THSD4: variants seen among roughly 807,000 people sequenced by gnomAD.
The protein encoded by THSD4 is thrombospondin type 1 domain containing 4.
In THSD4, 69 loss-of-function variants were observed where a neutral mutation model predicts 119.0. The observed-to-expected ratio is 0.58, with a 90% CI of 0.48 to 0.71. The LOEUF (loss-of-function observed/expected upper bound fraction) is 0.71, where lower values mean the gene tolerates loss of function less well. Among genes scored for constraint, THSD4 ranks in the 30% least tolerant of loss-of-function variants. The pLI, the probability that THSD4 is intolerant of heterozygous loss-of-function variation, is 0.00. For missense variants in THSD4, 1,393 were observed against 1,391.1 expected, an observed-to-expected ratio of 1.00 and a Z score of -0.02; for synonymous variants, 524 against 540.4, an observed-to-expected ratio of 0.97 and a Z score of 0.42.
At chr15:71,104,143 A>G (rs570813379) in intron 1 of THSD4, among the ~76,000 whole-genome samples, 3 of 152,302 alleles carry the variant, frequency 2.0e-5, no homozygotes, top group Non-Finnish European at 4.4e-5. Context: ...TTAAATCATC[A>G]ATCATTTGCT....
At chr15:71,510,867 A>T (rs943622324) in intron 7 of THSD4, among the ~76,000 whole-genome samples, 10 of 151,956 alleles carry the variant, frequency 6.6e-5, no homozygotes, top group African/African-American at 2.4e-4. Context: ...CTTGAATGTG[A>T]CAGTATTGCT....
intron 1 of THSD4, among the ~76,000 whole-genome samples, chr15:71,139,485 G>T (rs1030711210): frequency 6.6e-6 from 1 of 152,170 alleles, no homozygotes; most frequent in African/African-American, 2.4e-5. Context: ...GTTCCAATTT[G>T]CACTTGTTGG....
At chr15:71,332,596 C>T (rs2045435706) in intron 6 of THSD4, among the ~76,000 whole-genome samples, 1 of 152,122 alleles carries the variant, frequency 6.6e-6, no homozygotes, top group African/African-American at 2.4e-5. Context: ...CAGCATGCCT[C>T]GGATTTGAAC....
At chr15:71,335,693 AGAT>A (rs1333441637) in intron 6 of THSD4, among the ~76,000 whole-genome samples, 1 of 152,156 alleles carries the variant, frequency 6.6e-6, no homozygotes, top group Non-Finnish European at 1.5e-5. Flanking sequence ...TTATTTCCGA[AGAT>A]GATGCCACTC....
At chr15:71,325,813 C>T (rs988112904) in intron 6 of THSD4, among the ~76,000 whole-genome samples, 7 of 152,002 alleles carry the variant, frequency 4.6e-5, no homozygotes, top group African/African-American at 1.7e-4. Flanking sequence ...TAAACAATAA[C>T]AAAAAAACTC....
In THSD4 at chr15:71,768,287, C is replaced by T. The variant is rs193162797; in HGVS notation, c.2770-2777C>T. Among the ~76,000 whole-genome samples, 63 of 74,272 alleles carry T rather than the reference C, an allele frequency of 8.5e-4. No homozygotes were observed. The East Asian group carries it at 0.015, about 17-fold the overall frequency. The allele number at this position is 74,272 out of a possible 152,430, so 48.7% of individuals were successfully genotyped here. On this transcript the variant is annotated intron_variant, in intron 16 of 17. Coordinates refer to ENST00000261862, the MANE Select transcript of THSD4 (RefSeq NM_024817.3). ...TCTCACAAAAAAAACCAAAAAAAAA[C>T]CCTGCACCTGTTAAGGCCTCTTTTA...
intron 6 of THSD4, among the ~76,000 whole-genome samples, chr15:71,406,525 A>C (rs1446849112): frequency 3.9e-5 from 6 of 152,124 alleles, no homozygotes; most frequent in Non-Finnish European, 8.8e-5. Context: ...TTATTCAAGT[A>C]TTTCCATATT....
intron 1 of THSD4, among the ~76,000 whole-genome samples, chr15:71,105,729 C>T (rs2040271935): frequency 6.6e-6 from 1 of 152,238 alleles, no homozygotes; most frequent in Non-Finnish European, 1.5e-5. Context: ...ATCCTATTTT[C>T]TGAGTCCACA....
chr15:71,157,557 C>A (rs1055464879), intron 3 of THSD4, among the ~76,000 whole-genome samples: 1 of 151,978 alleles, frequency 6.6e-6, no homozygotes, highest in African/African-American at 2.4e-5. Flanking sequence ...AGAACTTATT[C>A]CCCCTATCTA....
At chr15:71,356,390 G>A (rs1477904117) in intron 6 of THSD4, among the ~76,000 whole-genome samples, 1 of 152,176 alleles carries the variant, frequency 6.6e-6, no homozygotes, top group African/African-American at 2.4e-5. Flanking sequence ...AACATGGCAG[G>A]AGGGCATTTT....
chr15:71,654,800 TG>T (rs1342680150), intron 7 of THSD4, among the ~76,000 whole-genome samples: 1 of 152,178 alleles, frequency 6.6e-6, no homozygotes, highest in Non-Finnish European at 1.5e-5. Context: ...GTTTTACCTG[TG>T]GGGGTCATCT....
rs562013393 is a variant in THSD4, at chr15:71,728,603, G to A, written c.1412G>A (p.Arg471Gln). The A allele has an allele frequency of 1.8e-5, 29 of 1,614,136 alleles. No homozygotes were observed. Among genetic ancestry groups the A allele is most frequent in the Admixed American group, 1.2e-4 (7 of 60,024 alleles). ...SIINGNWAID[R>Q]PGKYEGGGTM... ...ATCAATGGGAACTGGGCAATTGATC[G>A]ACCAGGAAAATACGAGGGCGGAGGG... The change falls in exon 9 of 18, where the codon CGA becomes CAA. Residue 471 changes from arginine (R) to glutamine (Q), a missense_variant. Arg to Gln is a conservative substitution (Grantham distance 43). Transcript: ENST00000261862.
chr15:71,406,668 G>A (rs1193979557), intron 6 of THSD4, among the ~76,000 whole-genome samples: 1 of 147,222 alleles, frequency 6.8e-6, no homozygotes, highest in Non-Finnish European at 1.5e-5. Flanking sequence ...GTGTGTGTGT[G>A]TGTGTGTGTG....
At chr15:71,410,001 A>T (rs1343195721) in intron 6 of THSD4, among the ~76,000 whole-genome samples, 3 of 151,976 alleles carry the variant, frequency 2.0e-5, no homozygotes, top group Non-Finnish European at 2.9e-5. Flanking sequence ...GGAAGCAACT[A>T]AATTGTTCTG....
chr15:71,433,112 T>C (rs964836065), intron 7 of THSD4, among the ~76,000 whole-genome samples: 6 of 151,894 alleles, frequency 4.0e-5, no homozygotes, highest in African/African-American at 1.2e-4. Context: ...CAGCCTTTTC[T>C]GTAGAACAGT....
intron 8 of THSD4, among the ~76,000 whole-genome samples, chr15:71,673,810 G>A (rs2051582167): frequency 6.6e-6 from 1 of 152,208 alleles, no homozygotes. Context: ...AGGCTAGAGT[G>A]CAGTGGCAAG....
At position 71,777,435 on chromosome 15, in the gene THSD4, G is replaced by T; in HGVS notation, c.*61G>T. 1.3e-6 allele frequency: 2 copies of T among 1,550,736 alleles called. No individual in the cohort carries two copies. Among genetic ancestry groups the T allele is most frequent in the Non-Finnish European group, 1.7e-6 (2 of 1,150,260 alleles). Reference sequence around the variant, plus strand: ...GCCTTCCCGGGGGCTTCAGCAGTGCGCCTGGCTGGCTGCTGCTCCACCACG... The same window carrying T: ...GCCTTCCCGGGGGCTTCAGCAGTGCTCCTGGCTGGCTGCTGCTCCACCACG... On this transcript the variant is annotated 3_prime_UTR_variant, in exon 18 of 18. Transcript: ENST00000261862.
At chr15:71,740,691 A>G (rs887444589) in intron 11 of THSD4, among the ~76,000 whole-genome samples, 10 of 152,216 alleles carry the variant, frequency 6.6e-5, no homozygotes, top group Admixed American at 5.9e-4. Context: ...ACACTGAGGT[A>G]TGGAGTTGAA....
intron 3 of THSD4, among the ~76,000 whole-genome samples, chr15:71,191,298 C>A (rs139863964): frequency 1.6e-3 from 244 of 152,200 alleles, no homozygotes; most frequent in Admixed American, 3.4e-3. Flanking sequence ...CTTCTTGTGC[C>A]CACCAAATTG....
Sources: allele counts gnomAD v4.1 joint callset (sites outside exome capture counted in the v4.1 genomes callset), GRCh38; gene constraint gnomAD v4.1.1; transcripts MANE v1.5; gene names NCBI Gene and HGNC (gene_info 2026-07-23, HGNC 2026-07-21).